Variants in BICC1 observed in about 807,000 individuals in gnomAD.
The protein encoded by BICC1 is BicC family RNA binding protein 1, also known as protein bicaudal C homolog 1.
BICC1 carries 43 observed loss-of-function variants against 111.0 expected under a neutral mutation model. The observed-to-expected ratio is 0.39, with a 90% CI of 0.30 to 0.50. BICC1 has a LOEUF of 0.50. BICC1 is among the 20% of genes least tolerant of loss of function. The pLI, the probability that BICC1 is intolerant of heterozygous loss-of-function variation, is 0.88. For synonymous variants in BICC1, 467 were observed against 434.4 expected (o/e 1.07, Z -0.93); for missense variants, 1,091 against 1,203.2 (o/e 0.91, Z 1.38).
rs74687990 is a variant in BICC1, at chr10:58,620,793, C to T, written c.191-62C>T. On this transcript the variant is annotated intron_variant, in intron 1 of 20. Coordinates refer to ENST00000373886, the MANE Select transcript of BICC1 (RefSeq NM_001080512.3). ...CTTTTGCATTCTCATATCTGATGCTCGAAAGTTTTTTGAATGCATACATTG... is the reference window on the plus strand; with the variant it reads ...CTTTTGCATTCTCATATCTGATGCTTGAAAGTTTTTTGAATGCATACATTG... The T allele has an allele frequency of 0.041, 62,416 of 1,525,238 alleles. 1,568 individuals are homozygous for T. The highest frequency in any genetic ancestry group is 0.048 in the Non-Finnish European group (53,212 of 1,111,310). The allele number at this position is 1,525,238 out of a possible 1,614,324, so 94.5% of individuals were successfully genotyped here.
intron 1 of BICC1, among the ~76,000 whole-genome samples, chr10:58,540,402 CAAAT>C (rs371295644): frequency 1.7e-3 from 253 of 151,634 alleles, no homozygotes; most frequent in Admixed American, 4.9e-3. Flanking sequence ...AACAAAGACT[CAAAT>C]AACAAAAATC....
At chr10:58,668,548 C>T (rs1230836214) in intron 2 of BICC1, among the ~76,000 whole-genome samples, 2 of 152,092 alleles carry the variant, frequency 1.3e-5, no homozygotes, top group Non-Finnish European at 2.9e-5. Flanking sequence ...AAAGAACACA[C>T]ATTGCAAGGA....
intron 1 of BICC1, among the ~76,000 whole-genome samples, chr10:58,576,238 G>A (rs77463483): frequency 0.041 from 6,222 of 152,110 alleles, 397 homozygotes; most frequent in African/African-American, 0.14. Flanking sequence ...CAAAATTCCA[G>A]TGGAATGATA....
chr10:58,572,717 A>G (rs2131985652), intron 1 of BICC1, among the ~76,000 whole-genome samples: 1 of 152,220 alleles, frequency 6.6e-6, no homozygotes, highest in East Asian at 1.9e-4. Flanking sequence ...TCTATATGTG[A>G]ATATATAGAG....
At chr10:58,586,533 G>T (rs1370712418) in intron 1 of BICC1, among the ~76,000 whole-genome samples, 1 of 151,440 alleles carries the variant, frequency 6.6e-6, no homozygotes, top group Non-Finnish European at 1.5e-5. Flanking sequence ...CCGGGGTTGG[G>T]GGCGGGGGGG....
chr10:58,534,107 A>G (rs1344870853), intron 1 of BICC1, among the ~76,000 whole-genome samples: 1 of 151,808 alleles, frequency 6.6e-6, no homozygotes, highest in South Asian at 2.1e-4. Context: ...TGGTAACCCA[A>G]AGAGATCAGA....
chr10:58,650,369 C>G (rs1838408179), intron 2 of BICC1: 1 of 152,048 alleles, frequency 6.6e-6, no homozygotes, highest in Admixed American at 6.6e-5. Flanking sequence ...TACAAGTGAC[C>G]AGAACTTTAT....
chr10:58,621,815 T>C (rs896545382), intron 2 of BICC1, among the ~76,000 whole-genome samples: 3 of 151,850 alleles, frequency 2.0e-5, no homozygotes, highest in Non-Finnish European at 2.9e-5. Flanking sequence ...CGAGAGTCAC[T>C]TGAACCCGGA....
chr10:58,750,767 AT>A (rs1475459206), intron 3 of BICC1, among the ~76,000 whole-genome samples: 3 of 152,072 alleles, frequency 2.0e-5, no homozygotes, highest in African/African-American at 7.2e-5. Context: ...AGCTATTACC[AT>A]TTTCAAGTGA....
At chr10:58,623,745 G>A (rs1173497753) in intron 2 of BICC1, among the ~76,000 whole-genome samples, 1 of 152,120 alleles carries the variant, frequency 6.6e-6, no homozygotes, top group Admixed American at 6.5e-5. Flanking sequence ...TTGTGTGTTG[G>A]TGAGGGAGAT....
chr10:58,601,664 A>G (rs1313287694), intron 1 of BICC1, among the ~76,000 whole-genome samples: 1 of 152,028 alleles, frequency 6.6e-6, no homozygotes, highest in East Asian at 1.9e-4. Context: ...TTATTCTTCA[A>G]AATGGTTGTG....
At chr10:58,758,195 T>C (rs559849088) in intron 3 of BICC1, among the ~76,000 whole-genome samples, 8 of 152,354 alleles carry the variant, frequency 5.3e-5, no homozygotes, top group African/African-American at 1.9e-4. Context: ...ATATTTCACA[T>C]AACCAGTTCA....
intron 1 of BICC1, among the ~76,000 whole-genome samples, chr10:58,612,913 C>T (rs1015591038): frequency 6.6e-6 from 1 of 152,038 alleles, no homozygotes; most frequent in Non-Finnish European, 1.5e-5. Flanking sequence ...AGTCAAGCTA[C>T]CCCCCTCCCA....
chr10:58,676,418 G>C (rs1005713433), intron 2 of BICC1, among the ~76,000 whole-genome samples: 2 of 152,152 alleles, frequency 1.3e-5, no homozygotes, highest in Admixed American at 6.5e-5. Flanking sequence ...AGTCAATCTG[G>C]GATGCTCGAG....
Position 58,646,898 on chromosome 10 carries a change from A to G in BICC1, c.237+25997A>G, listed in dbSNP as rs374675310. Among the ~76,000 whole-genome samples the G allele has an allele frequency of 3.9e-4, 60 of 152,254 alleles. No homozygotes were observed. In the East Asian group the frequency reaches 5.6e-3, roughly 14 times the overall value. On this transcript the variant is annotated intron_variant, in intron 2 of 20. Transcript: ENST00000373886. ...GTAGGTTAATATTCTATTTGGAAAC[A>G]TAGCCTTTTTCCTTCTTTCTCTCTT...
chr10:58,659,111 G>A (rs1344913043), intron 2 of BICC1, among the ~76,000 whole-genome samples: 1 of 152,238 alleles, frequency 6.6e-6, no homozygotes, highest in South Asian at 2.1e-4. Context: ...TGGTAAGGTT[G>A]TTGAAAAAAG....
chr10:58,541,388 A>T (rs541697354), intron 1 of BICC1, among the ~76,000 whole-genome samples: 1 of 152,292 alleles, frequency 6.6e-6, no homozygotes, highest in African/African-American at 2.4e-5. Context: ...CACAAAAGTC[A>T]GTTACATTTC....
intron 1 of BICC1, among the ~76,000 whole-genome samples, chr10:58,526,853 G>C (rs1564471949): frequency 6.6e-6 from 1 of 152,172 alleles, no homozygotes; most frequent in Non-Finnish European, 1.5e-5. Flanking sequence ...TTGGTTCCAA[G>C]TCTTTGCTAT....
intron 1 of BICC1, among the ~76,000 whole-genome samples, chr10:58,525,308 C>G: frequency 8.6e-6 from 1 of 116,922 alleles, no homozygotes; most frequent in South Asian, 2.9e-4. Flanking sequence ...GACTTGGAAC[C>G]AACCCAAATG....
Sources: allele counts gnomAD v4.1 joint callset (sites outside exome capture counted in the v4.1 genomes callset), GRCh38; gene constraint gnomAD v4.1.1; transcripts MANE v1.5; gene names NCBI Gene and HGNC (gene_info 2026-07-23, HGNC 2026-07-21).